Variants in RMDN2 observed in about 807,000 individuals in gnomAD.
RMDN2 encodes regulator of microtubule dynamics 2, also known as regulator of microtubule dynamics protein 2.
A neutral mutation model predicts 52.8 loss-of-function variants in RMDN2; 61 were observed. The ratio of observed to expected loss-of-function variants is 1.16; its 90% CI spans 0.94 to 1.43. RMDN2 has a LOEUF of 1.43. RMDN2 is among the 40% of genes most tolerant of loss of function. The pLI, the probability that RMDN2 is intolerant of heterozygous loss-of-function variation, is 0.00. For synonymous variants in RMDN2, 180 were observed against 153.1 expected, an observed-to-expected ratio of 1.18 and a Z score of -1.30; for missense variants, 592 against 475.3, an observed-to-expected ratio of 1.25 and a Z score of -2.28.
chr2:37,964,234 C>T (rs1001620859), intron 2 of RMDN2, among the ~76,000 whole-genome samples: 4 of 152,136 alleles, frequency 2.6e-5, no homozygotes, highest in East Asian at 1.9e-4. Context: ...GGCTGCCGGG[C>T]GGAGGGGCTC....
intron 10 of RMDN2, 51 bp from the exon 11 acceptor site, chr2:38,017,135 T>C (rs1678911858): frequency 8.5e-7 from 1 of 1,177,878 alleles, no homozygotes; most frequent in Admixed American, 2.3e-5. Context: ...CATGCTAGAG[T>C]ATCAAGATGA....
chr2:37,933,457 G>A (rs531212506), intron 2 of RMDN2, among the ~76,000 whole-genome samples: 15 of 152,352 alleles, frequency 9.8e-5, no homozygotes, highest in East Asian at 3.9e-4. Context: ...CCGAGATCAC[G>A]CCACTGCACC....
In RMDN2 at chr2:37,946,934, T is replaced by G. The variant is rs76329235; in HGVS notation, c.452+17205T>G. ...CTTATAGTTTTCATTGTTTCAAAAC[T>G]ACATCCAGCTTGTTTTTGCATCATT... On this transcript the variant is annotated intron_variant, in intron 2 of 10. Coordinates refer to ENST00000354545, the MANE Select transcript of RMDN2 (RefSeq NM_001170791.3). Among the ~76,000 whole-genome samples the G allele has an allele frequency of 5.7e-3, 868 of 152,342 alleles. 12 individuals carry two copies. The highest frequency in any genetic ancestry group is 0.037 in the East Asian group (191 of 5,196).
rs753115870 is a variant in RMDN2, at chr2:37,951,688, A to G, written c.452+21959A>G. On this transcript the variant is annotated intron_variant, in intron 2 of 10. Transcript: ENST00000354545. ...GGCCAGAATGTGTTTAATCTAAATG[A>G]AATCGAAATCTTTTCTAAAACTTCA... 2.5e-6 allele frequency: 4 copies of G among 1,612,716 alleles called. No homozygotes were observed. The Middle Eastern group carries it at 5.0e-4, about 200-fold the overall frequency.
chr2:37,950,629 A>G, intron 2 of RMDN2: 1 of 1,606,092 alleles, frequency 6.2e-7, no homozygotes, highest in Non-Finnish European at 8.5e-7. Flanking sequence ...ACATGTGCTA[A>G]AAGAACATTG....
At chr2:38,014,044 T>TAA (rs894019312) in intron 10 of RMDN2, among the ~76,000 whole-genome samples, 7 of 145,046 alleles carry the variant, frequency 4.8e-5, no homozygotes, top group East Asian at 4.0e-4. Context: ...CCATCTTTAC[T>TAA]AAAAAAAAAA....
At chr2:37,953,523 C>A (rs559825424) in intron 2 of RMDN2, among the ~76,000 whole-genome samples, 54 of 152,114 alleles carry the variant, frequency 3.5e-4, no homozygotes, top group African/African-American at 1.2e-3. Flanking sequence ...GTCAGAATGT[C>A]CTTCCTTTTT....
At chr2:38,063,799 G>A (rs1682153893) in intron 10 of RMDN2, among the ~76,000 whole-genome samples, 1 of 152,184 alleles carries the variant, frequency 6.6e-6, no homozygotes. Flanking sequence ...AGCAATGTAT[G>A]AAAGTTCCAG....
At chr2:38,030,298 T>A (rs1052034342) in intron 10 of RMDN2, 1 of 152,248 alleles carries the variant, frequency 6.6e-6, no homozygotes, top group Non-Finnish European at 1.5e-5. Context: ...TGAAGGTTAA[T>A]CATTGTATCA....
intron 2 of RMDN2, among the ~76,000 whole-genome samples, chr2:37,940,092 C>T (rs772267956): frequency 3.3e-5 from 5 of 152,166 alleles, no homozygotes; most frequent in African/African-American, 9.7e-5. Flanking sequence ...GACAAAATCC[C>T]TCAGCATTTG....
intron 2 of RMDN2, among the ~76,000 whole-genome samples, chr2:37,963,508 T>C (rs1013705967): frequency 6.6e-5 from 10 of 151,862 alleles, no homozygotes; most frequent in African/African-American, 2.4e-4. Flanking sequence ...GATTAGGGAG[T>C]GGTGATGACT....
At chr2:37,995,332 A>ACTACTACTACTACTG (rs1238417134) in intron 7 of RMDN2, among the ~76,000 whole-genome samples, 2 of 149,984 alleles carry the variant, frequency 1.3e-5, no homozygotes, top group Non-Finnish European at 3.0e-5. Flanking sequence ...GACTACTACT[A>ACTACTACTACTACTG]CTACTACTAC....
chr2:37,956,611 C>T (rs924140276), intron 2 of RMDN2, among the ~76,000 whole-genome samples: 12 of 151,564 alleles, frequency 7.9e-5, no homozygotes, highest in South Asian at 4.2e-4. Context: ...CTTAATATTT[C>T]GATTTAGGTT....
chr2:37,980,338 C>G (rs1385805510), intron 4 of RMDN2, among the ~76,000 whole-genome samples: 2 of 152,154 alleles, frequency 1.3e-5, no homozygotes, highest in Admixed American at 1.3e-4. Flanking sequence ...GAGTCTCGCT[C>G]TGTCCCCCAG....
At chr2:38,016,576 A>G (rs1013948036) in intron 10 of RMDN2, among the ~76,000 whole-genome samples, 3 of 152,194 alleles carry the variant, frequency 2.0e-5, no homozygotes, top group African/African-American at 4.8e-5. Context: ...CTTAGTCATA[A>G]TGAGACAATG....
chr2:37,991,284 G>A lies in RMDN2; in HGVS notation c.932G>A (p.Arg311Lys), dbSNP rs1264719126. 1.3e-6 allele frequency: 2 copies of A among 1,560,448 alleles called. No homozygotes were observed. The highest frequency in any genetic ancestry group is 2.3e-5 in the East Asian group (1 of 43,714). Reference sequence around the variant, plus strand: ...CCCTTTCTATATTACCTCAAAGGGAGATACTGCTATACTGTAAGTTGAATG... The same window carrying A: ...CCCTTTCTATATTACCTCAAAGGGAAATACTGCTATACTGTAAGTTGAATG... Reference protein sequence around the residue: ...EEPFLYYLKGRYCYTVSKLSW... With the variant: ...EEPFLYYLKGKYCYTVSKLSW... Residue 311 changes from arginine (R) to lysine (K), a missense_variant, in exon 7 of 11, where the codon AGA becomes AAA. Transcript: ENST00000354545.
intron 10 of RMDN2, among the ~76,000 whole-genome samples, chr2:38,022,831 C>T (rs1410777809): frequency 1.3e-5 from 2 of 152,154 alleles, no homozygotes; most frequent in African/African-American, 2.4e-5. Flanking sequence ...ATGGGGTTAG[C>T]TTTTACACTA....
chr2:37,941,186 C>T (rs1667753724), intron 2 of RMDN2, among the ~76,000 whole-genome samples: 1 of 152,186 alleles, frequency 6.6e-6, no homozygotes, highest in East Asian at 1.9e-4. Flanking sequence ...GCTGGGAGTC[C>T]ACTGTAGACC....
intron 10 of RMDN2, among the ~76,000 whole-genome samples, chr2:38,034,399 G>T (rs946396781): frequency 6.6e-6 from 1 of 152,138 alleles, no homozygotes; most frequent in Non-Finnish European, 1.5e-5. Context: ...GAACTGTCTG[G>T]CATAGAAGAA....
Sources: gnomAD v4.1 joint callset for allele counts (sites outside exome capture counted in the v4.1 genomes callset) on GRCh38, gnomAD v4.1.1 for gene constraint, MANE v1.5 for transcripts, NCBI Gene and HGNC (gene_info 2026-07-23, HGNC 2026-07-21) for gene names.